The following CFAP221 variants were observed in gnomAD, a reference collection of about 807,000 sequenced individuals.
The protein encoded by CFAP221 is cilia and flagella associated protein 221.
In CFAP221, 97 loss-of-function variants were observed where a neutral mutation model predicts 113.1. The observed-to-expected ratio is 0.86, with a 90% confidence interval of 0.73 to 1.02. The LOEUF is 1.02. Ranked by LOEUF, CFAP221 falls within the 50% of genes least tolerant of loss-of-function variation. The probability of loss-of-function intolerance (pLI) is 0.00; values close to 1 mark genes in which losing one functional copy is unlikely to be tolerated. For missense variants in CFAP221, 1,025 were observed against 1,013.4 expected (o/e 1.01, Z -0.16); for synonymous variants, 331 against 354.4 (o/e 0.93, Z 0.74).
chr2:119,630,957 C>T (rs1686735494), intron 19 of CFAP221, 56 bp downstream of exon 19: 2 of 1,595,710 alleles, frequency 1.3e-6, no homozygotes, highest in Non-Finnish European at 1.7e-6. Flanking sequence ...TCAGCAATTA[C>T]TCTATAGGAA....
Position 119,630,925 on chromosome 2 carries a change from T to TC in CFAP221, c.1974+24_1974+25insC, listed in dbSNP as rs773425549. ...TTGTAAGTGACAACTGGCAGAAGCC[T>TC]TGTTTTCTGTGTTCCTTTATTTCAG... On this transcript the variant is annotated intron_variant, in intron 19 of 23. Coordinates refer to ENST00000413369, the MANE Select transcript of CFAP221 (RefSeq NM_001271049.2). The TC allele has an allele frequency of 1.9e-6, 3 of 1,607,832 alleles. No homozygotes were observed. In the East Asian group the frequency reaches 6.7e-5, roughly 36 times the overall value.
At chr2:119,585,465 T>C (rs1027351478) in intron 6 of CFAP221, among the ~76,000 whole-genome samples, 1 of 152,118 alleles carries the variant, frequency 6.6e-6, no homozygotes, top group Non-Finnish European at 1.5e-5. Flanking sequence ...GGGAGAGAAT[T>C]GGGGAAGGAG....
intron 6 of CFAP221, among the ~76,000 whole-genome samples, chr2:119,582,445 A>G (rs1682913501): frequency 6.6e-6 from 1 of 151,678 alleles, no homozygotes; most frequent in South Asian, 2.1e-4. Flanking sequence ...ATTTTCAATA[A>G]GTAAGACATA....
At chr2:119,625,059 T>C (rs1291547003) in intron 14 of CFAP221, among the ~76,000 whole-genome samples, 1 of 150,236 alleles carries the variant, frequency 6.7e-6, no homozygotes, top group Non-Finnish European at 1.5e-5. Flanking sequence ...TGGAAAGTGA[T>C]GTAAATAAAT....
downstream of CFAP221, among the ~76,000 whole-genome samples, chr2:119,659,430 ATTAT>A (rs1688544919): frequency 1.9e-5 from 1 of 51,530 alleles, no homozygotes; most frequent in African/African-American, 5.1e-5. Flanking sequence ...GTTGGGTTTA[ATTAT>A]TTATTTCAGG....
At chr2:119,573,400 G>C (rs1412164649) in intron 6 of CFAP221, 1 of 152,226 alleles carries the variant, frequency 6.6e-6, no homozygotes, top group African/African-American at 2.4e-5. Flanking sequence ...TTGATGGAAA[G>C]GAGCAGCAGC....
intron 3 of CFAP221, among the ~76,000 whole-genome samples, chr2:119,549,738 AG>A (rs1680293274): frequency 6.6e-6 from 1 of 152,168 alleles, no homozygotes; most frequent in African/African-American, 2.4e-5. Context: ...ATGCCTAATC[AG>A]TCACTCTGGC....
chr2:119,617,477 G>A (rs1685607257), intron 14 of CFAP221, among the ~76,000 whole-genome samples: 1 of 152,216 alleles, frequency 6.6e-6, no homozygotes, highest in Non-Finnish European at 1.5e-5. Context: ...AGACTGGCCA[G>A]GCTGGCTTGT....
intron 3 of CFAP221, 101 bp downstream of exon 3, chr2:119,549,286 G>T: frequency 2.2e-6 from 2 of 927,596 alleles, no homozygotes; most frequent in Middle Eastern, 2.7e-4. Context: ...ATAATCAGCC[G>T]TAGTGCAAGA....
chr2:119,623,408 G>A (rs1422973165), intron 14 of CFAP221, among the ~76,000 whole-genome samples: 2 of 152,294 alleles, frequency 1.3e-5, no homozygotes, highest in Admixed American at 6.5e-5. Context: ...TCATGGATAG[G>A]AAGAATCAAT....
intron 3 of CFAP221, 124 bp from the exon 4 acceptor site, chr2:119,559,565 T>G: frequency 1.3e-6 from 1 of 759,480 alleles, no homozygotes; most frequent in Non-Finnish European, 2.1e-6. Context: ...TTTCAAATAT[T>G]TTGAAAAGTT....
At chr2:119,601,092 T>A in intron 7 of CFAP221, 126 bp from the exon 8 acceptor site, 1 of 948,498 alleles carries the variant, frequency 1.1e-6, no homozygotes, top group East Asian at 2.8e-5. Context: ...TTTTCAATTG[T>A]GTGGGGAGTC....
chr2:119,584,944 C>T (rs960975882), intron 6 of CFAP221, among the ~76,000 whole-genome samples: 4 of 152,056 alleles, frequency 2.6e-5, no homozygotes, highest in Non-Finnish European at 5.9e-5. Context: ...TGGGGTTATT[C>T]CTAAAGTAGC....
intron 7 of CFAP221, among the ~76,000 whole-genome samples, chr2:119,598,823 C>T (rs1180791477): frequency 6.6e-6 from 1 of 152,180 alleles, no homozygotes; most frequent in Non-Finnish European, 1.5e-5. Context: ...TGTATTAGGT[C>T]TGAGCTGGCA....
intron 23 of CFAP221, among the ~76,000 whole-genome samples, chr2:119,652,374 C>T (rs922218035): frequency 6.6e-6 from 1 of 152,202 alleles, no homozygotes; most frequent in African/African-American, 2.4e-5. Context: ...AGAACTGGCT[C>T]TGGAGCCAGA....
At chr2:119,551,509 G>A (rs1369412671) in intron 3 of CFAP221, among the ~76,000 whole-genome samples, 1 of 152,158 alleles carries the variant, frequency 6.6e-6, no homozygotes, top group Admixed American at 6.5e-5. Flanking sequence ...TTTGTTGAAA[G>A]GACTATTTTT....
At chr2:119,577,209 C>T (rs545649338) in intron 6 of CFAP221, among the ~76,000 whole-genome samples, 21 of 152,296 alleles carry the variant, frequency 1.4e-4, no homozygotes, top group African/African-American at 4.8e-4. Context: ...CCAGTCCCTT[C>T]CTCTTCCTAA....
intron 16 of CFAP221, among the ~76,000 whole-genome samples, chr2:119,628,314 T>TGA (rs1686515418): frequency 6.6e-6 from 1 of 151,736 alleles, no homozygotes; most frequent in Non-Finnish European, 1.5e-5. Flanking sequence ...TGTGTGTGTG[T>TGA]GTGTGTGTGT....
intron 13 of CFAP221, among the ~76,000 whole-genome samples, chr2:119,612,339 G>A (rs1472272628): frequency 6.6e-6 from 1 of 152,220 alleles, no homozygotes; most frequent in Non-Finnish European, 1.5e-5. Flanking sequence ...AGTTCTGAAT[G>A]GCTGGAGAAG....
Sources: gnomAD v4.1 joint callset for allele counts (sites outside exome capture counted in the v4.1 genomes callset) on GRCh38, gnomAD v4.1.1 for gene constraint, MANE v1.5 for transcripts, NCBI Gene and HGNC (gene_info 2026-07-23, HGNC 2026-07-21) for gene names.